C4orf36: variants seen among roughly 807,000 people sequenced by gnomAD.
C4orf36 encodes uncharacterized protein C4orf36.
C4orf36 carries 11 observed loss-of-function variants against 12.2 expected under a neutral mutation model. That is an observed-to-expected ratio of 0.90 (90% CI 0.57 to 1.49). The LOEUF (loss-of-function observed/expected upper bound fraction) is 1.49. Among genes scored for constraint, C4orf36 ranks in the 40% most tolerant of loss-of-function variants. The pLI, the probability that C4orf36 is intolerant of heterozygous loss-of-function variation, is 0.00. For missense variants in C4orf36, 137 were observed against 133.9 expected (o/e 1.02, Z -0.11); for synonymous variants, 54 against 51.3 (o/e 1.05, Z -0.22).
chr4:86,880,581 A>C (rs1473985846), intron 4 of C4orf36, among the ~76,000 whole-genome samples: 1 of 152,198 alleles, frequency 6.6e-6, no homozygotes, highest in South Asian at 2.1e-4. Flanking sequence ...AAAGAAATTA[A>C]AACTTTCCCA....
the C4orf36 span, among the ~76,000 whole-genome samples, chr4:86,930,860 A>T: frequency 2.6e-5 from 4 of 152,238 alleles, no homozygotes; most frequent in Non-Finnish European, 4.4e-5. Flanking sequence ...AGTTATTTTA[A>T]TTATAATAAT....
the C4orf36 span, among the ~76,000 whole-genome samples, chr4:86,915,512 G>A: frequency 6.6e-5 from 10 of 152,252 alleles, no homozygotes; most frequent in Non-Finnish European, 1.2e-4. Context: ...GGCTGGGCAC[G>A]GTGATTCACG....
intron 4 of C4orf36, among the ~76,000 whole-genome samples, chr4:86,885,683 G>C (rs1401497252): frequency 3.3e-5 from 5 of 152,102 alleles, no homozygotes; most frequent in Middle Eastern, 3.4e-3. Context: ...AACTGAATAT[G>C]CTTTATTTCT....
At chr4:86,906,426 G>T in the C4orf36 span, among the ~76,000 whole-genome samples, 1 of 152,082 alleles carries the variant, frequency 6.6e-6, no homozygotes, top group South Asian at 2.1e-4. Flanking sequence ...ATGGGCCAGG[G>T]ATCAAGAATC....
chr4:86,876,319 G>C lies in C4orf36; in HGVS notation c.*127C>G. The C allele has an allele frequency of 1.4e-6, 2 of 1,467,484 alleles. No individual in the cohort carries two copies. Among genetic ancestry groups the C allele is most frequent in the Non-Finnish European group, 1.8e-6 (2 of 1,101,322 alleles). The allele number at this position is 1,467,484 out of a possible 1,614,324, so 90.9% of individuals were successfully genotyped here. On this transcript the variant is annotated 3_prime_UTR_variant, in exon 5 of 5. Transcript: ENST00000295898. ...CGGGCCGTGGGAGGCTTCCTGAGGTGGGGGCCGGGCCAGGATGGCTGCAGC... is the reference window on the plus strand; with the variant it reads ...CGGGCCGTGGGAGGCTTCCTGAGGTCGGGGCCGGGCCAGGATGGCTGCAGC...
chr4:86,896,448 C>T (rs561922521), upstream of C4orf36, among the ~76,000 whole-genome samples: 21 of 152,266 alleles, frequency 1.4e-4, no homozygotes, highest in Admixed American at 3.9e-4. Context: ...TATTATAAAA[C>T]TCTCTAGTAA....
chr4:86,908,035 C>G, the C4orf36 span, among the ~76,000 whole-genome samples: 1 of 151,916 alleles, frequency 6.6e-6, no homozygotes, highest in Admixed American at 6.6e-5. Context: ...GTGGGAGGGC[C>G]ACAACACATT....
chr4:86,908,193 AC>A, the C4orf36 span, among the ~76,000 whole-genome samples: 1 of 150,492 alleles, frequency 6.6e-6, no homozygotes, highest in Non-Finnish European at 1.5e-5. Context: ...ACACACACAC[AC>A]ACACACACAC....
the C4orf36 span, among the ~76,000 whole-genome samples, chr4:86,928,842 G>A: frequency 6.6e-6 from 1 of 152,186 alleles, no homozygotes; most frequent in South Asian, 2.1e-4. Context: ...GTCCCCGTTT[G>A]ATCACACACA....
chr4:86,936,130 G>A, the C4orf36 span: 1 of 152,220 alleles, frequency 6.6e-6, no homozygotes, highest in East Asian at 1.9e-4. Context: ...GAAGGCACTT[G>A]GCTTTGGAGG....
chr4:86,891,460 T>TA lies in C4orf36; in HGVS notation c.60dup (p.Asn21Ter), dbSNP rs372159785. The TA allele has an allele frequency of 2.1e-4, 332 of 1,613,728 alleles. 2 individuals are homozygous for TA. The East Asian group carries it at 6.5e-3, about 31-fold the overall frequency. On this transcript the variant is annotated frameshift_variant, in exon 2 of 5. Coordinates refer to ENST00000295898, the MANE Select transcript of C4orf36 (RefSeq NM_144645.4). LOFTEE classifies it high-confidence loss of function. ...AAAAAAAAAAATAGTACTTACACAT[T>TA]ATAACAACTGCCCCGCAAAATGGTT...
At chr4:86,910,220 T>C in the C4orf36 span, among the ~76,000 whole-genome samples, 1 of 152,094 alleles carries the variant, frequency 6.6e-6, no homozygotes, top group East Asian at 1.9e-4. Context: ...GGCGGGCAGA[T>C]CACTTGAGAC....
intron 2 of C4orf36, 22 bp downstream of exon 2, chr4:86,891,434 A>T (rs28523477): frequency 0.015 from 378 of 25,860 alleles, no homozygotes; most frequent in Middle Eastern, 0.022. Context: ...ACCCTGATTT[A>T]AAAAAAAAAA....
At chr4:86,893,874 T>TTATG (rs923613393), upstream of C4orf36, among the ~76,000 whole-genome samples, 14 of 137,340 alleles carry the variant, frequency 1.0e-4, no homozygotes, top group African/African-American at 4.2e-4. Flanking sequence ...TTTTATTTAT[T>TTATG]TATTTATTTA....
chr4:86,936,142 G>A, the C4orf36 span: 1 of 152,230 alleles, frequency 6.6e-6, no homozygotes, highest in Admixed American at 6.5e-5. Flanking sequence ...CTTTGGAGGT[G>A]GAGATGTGTC....
the C4orf36 span, among the ~76,000 whole-genome samples, chr4:86,927,415 A>T: frequency 6.6e-6 from 1 of 152,222 alleles, no homozygotes; most frequent in Non-Finnish European, 1.5e-5. Flanking sequence ...AAATAGAATA[A>T]GTAAATACGT....
At chr4:86,895,823 T>C (rs182185814), upstream of C4orf36, among the ~76,000 whole-genome samples, 101 of 152,176 alleles carry the variant, frequency 6.6e-4, no homozygotes, top group African/African-American at 2.2e-3. Context: ...CCCCCCTGCT[T>C]TGCTGGCGTC....
the C4orf36 span, chr4:86,934,971 GC>G: frequency 6.6e-6 from 1 of 151,928 alleles, no homozygotes; most frequent in Non-Finnish European, 1.5e-5. Context: ...GGAGGGCGTG[GC>G]CTCGGGGCGT....
chr4:86,900,049 T>TC, the C4orf36 span, among the ~76,000 whole-genome samples: 1 of 152,016 alleles, frequency 6.6e-6, no homozygotes, highest in African/African-American at 2.4e-5. Flanking sequence ...TTTTTTTTTT[T>TC]TTCTGAGACT....
Sources: gnomAD v4.1 joint callset for allele counts (sites outside exome capture counted in the v4.1 genomes callset) on GRCh38, gnomAD v4.1.1 for gene constraint, MANE v1.5 for transcripts, NCBI Gene and HGNC (gene_info 2026-07-23, HGNC 2026-07-21) for gene names.